Variants in PHACTR1 observed in about 807,000 individuals in gnomAD.
PHACTR1 encodes RPEL repeat containing 1.
PHACTR1 carries 16 observed loss-of-function variants against 69.2 expected under a neutral mutation model. That is an observed-to-expected ratio of 0.23 (90% CI 0.16 to 0.35). The LOEUF is 0.35. Among genes scored for constraint, PHACTR1 ranks in the 10% least tolerant of loss-of-function variants. The pLI is 1.00. For synonymous variants in PHACTR1, 312 were observed against 284.5 expected, an observed-to-expected ratio of 1.10 and a Z score of -0.97; for missense variants, 510 against 734.7, an observed-to-expected ratio of 0.69 and a Z score of 3.54.
intron 5 of PHACTR1, among the ~76,000 whole-genome samples, chr6:13,102,178 A>G (rs1691211325): frequency 6.6e-6 from 1 of 152,220 alleles, no homozygotes; most frequent in Non-Finnish European, 1.5e-5. Flanking sequence ...GGAGTTGCCA[A>G]GTATTTAGCA....
chr6:12,792,102 ATG>A (rs779034934), intron 4 of PHACTR1, among the ~76,000 whole-genome samples: 2 of 152,076 alleles, frequency 1.3e-5, no homozygotes, highest in African/African-American at 2.4e-5. Context: ...ACATAAGCAT[ATG>A]TGTGTGTGTG....
chr6:13,008,011 AACAAAACCCC>A (rs1451927072), intron 4 of PHACTR1, among the ~76,000 whole-genome samples: 2 of 152,326 alleles, frequency 1.3e-5, no homozygotes, highest in East Asian at 3.9e-4. Flanking sequence ...AAAAATAAAA[AACAAAACCCC>A]ACAAAACACA....
intron 4 of PHACTR1, among the ~76,000 whole-genome samples, chr6:12,756,648 T>C (rs1368782994): frequency 6.6e-6 from 1 of 152,224 alleles, no homozygotes; most frequent in African/African-American, 2.4e-5. Flanking sequence ...TGTTGCCACA[T>C]TTGTATACAT....
chr6:13,159,259 C>T (rs1758633538), intron 5 of PHACTR1, among the ~76,000 whole-genome samples: 1 of 152,198 alleles, frequency 6.6e-6, no homozygotes, highest in South Asian at 2.1e-4. Flanking sequence ...GCTGTTCCAG[C>T]TTGGAGCCTA....
chr6:13,271,915 A>G (rs1024737608), intron 10 of PHACTR1, among the ~76,000 whole-genome samples: 2 of 152,172 alleles, frequency 1.3e-5, no homozygotes, highest in Non-Finnish European at 2.9e-5. Context: ...CAACTAGGAG[A>G]GCATCATTTC....
chr6:13,001,781 C>T (rs1488151455), intron 4 of PHACTR1, among the ~76,000 whole-genome samples: 3 of 152,198 alleles, frequency 2.0e-5, no homozygotes, highest in African/African-American at 7.2e-5. Flanking sequence ...GTTTCCTAAT[C>T]CTCCTGATCA....
intron 6 of PHACTR1, among the ~76,000 whole-genome samples, chr6:13,166,068 T>A (rs951769333): frequency 1.3e-5 from 2 of 152,196 alleles, no homozygotes; most frequent in African/African-American, 4.8e-5. Context: ...CTGGTGCCAC[T>A]TCAGCCCTGC....
At chr6:12,866,521 A>G (rs1335534077) in intron 4 of PHACTR1, among the ~76,000 whole-genome samples, 2 of 146,616 alleles carry the variant, frequency 1.4e-5, no homozygotes, top group Admixed American at 1.4e-4. Context: ...CAGGACTGCT[A>G]TTTTTTTTTT....
intron 8 of PHACTR1, among the ~76,000 whole-genome samples, chr6:13,208,297 T>C (rs1335331273): frequency 2.0e-5 from 3 of 152,222 alleles, no homozygotes; most frequent in Non-Finnish European, 4.4e-5. Context: ...TGCAACCACG[T>C]AAGTGCAGAC....
At chr6:12,863,099 G>A (rs1190107127) in intron 4 of PHACTR1, among the ~76,000 whole-genome samples, 2 of 152,248 alleles carry the variant, frequency 1.3e-5, no homozygotes, top group Non-Finnish European at 1.5e-5. Context: ...ATAATTGTCA[G>A]CAGCATTTGC....
At chr6:13,242,035 C>CAAAAAAAA (rs747990237) in intron 10 of PHACTR1, among the ~76,000 whole-genome samples, 31 of 58,612 alleles carry the variant, frequency 5.3e-4, no homozygotes, top group African/African-American at 1.5e-3. Context: ...GATTCTGTCT[C>CAAAAAAAA]AAAAAAAAAA....
At chr6:12,876,769 G>T (rs546679304) in intron 4 of PHACTR1, among the ~76,000 whole-genome samples, 1 of 152,298 alleles carries the variant, frequency 6.6e-6, no homozygotes, top group East Asian at 1.9e-4. Context: ...ATATAGGTAG[G>T]TTTATTATGA....
At chr6:12,941,433 G>C (rs1007143110) in intron 4 of PHACTR1, among the ~76,000 whole-genome samples, 20 of 152,252 alleles carry the variant, frequency 1.3e-4, no homozygotes, top group African/African-American at 4.3e-4. Context: ...GTGAAGAGAA[G>C]CAAGCAGAAA....
chr6:12,874,783 T>C (rs1290143717), intron 4 of PHACTR1, among the ~76,000 whole-genome samples: 1 of 152,100 alleles, frequency 6.6e-6, no homozygotes, highest in African/African-American at 2.4e-5. Context: ...CTCCTCCCCC[T>C]CCCCAAATCC....
intron 4 of PHACTR1, among the ~76,000 whole-genome samples, chr6:12,922,202 G>A (rs193159889): frequency 3.9e-5 from 6 of 152,194 alleles, no homozygotes; most frequent in Non-Finnish European, 7.4e-5. Context: ...CCTCACAAAG[G>A]ACTCTTCTCC....
chr6:12,825,346 A>G (rs917533559), intron 4 of PHACTR1, among the ~76,000 whole-genome samples: 13 of 151,892 alleles, frequency 8.6e-5, no homozygotes, highest in African/African-American at 3.1e-4. Context: ...TTAGAAGAGT[A>G]AGGGGCACAT....
At chr6:13,220,243 A>G (rs1270657136) in intron 8 of PHACTR1, among the ~76,000 whole-genome samples, 1 of 152,182 alleles carries the variant, frequency 6.6e-6, no homozygotes, top group African/African-American at 2.4e-5. Flanking sequence ...TCTGTCCAAC[A>G]TCTTGTGAAT....
At chr6:12,872,473 T>G (rs1187789879) in intron 4 of PHACTR1, among the ~76,000 whole-genome samples, 1 of 152,096 alleles carries the variant, frequency 6.6e-6, no homozygotes, top group Non-Finnish European at 1.5e-5. Flanking sequence ...CATGCAAATA[T>G]ACACCTGCCT....
intron 4 of PHACTR1, among the ~76,000 whole-genome samples, chr6:12,990,702 C>A (rs1308291471): frequency 3.3e-5 from 5 of 152,310 alleles, no homozygotes; most frequent in Non-Finnish European, 7.4e-5. Context: ...CCCTTTGATA[C>A]CCAAGTTCTT....
Sources: allele counts gnomAD v4.1 joint callset (sites outside exome capture counted in the v4.1 genomes callset), GRCh38; gene constraint gnomAD v4.1.1; transcripts MANE v1.5; gene names NCBI Gene and HGNC (gene_info 2026-07-23, HGNC 2026-07-21).